PKP1: variants seen among roughly 807,000 people sequenced by gnomAD.
PKP1 encodes plakophilin-1.
PKP1 carries 27 observed loss-of-function variants against 76.4 expected under a neutral mutation model. The observed-to-expected ratio is 0.35, with a 90% confidence interval of 0.26 to 0.49. The LOEUF (loss-of-function observed/expected upper bound fraction) is 0.49. Among genes scored for constraint, PKP1 ranks in the 20% least tolerant of loss-of-function variants. The pLI, the probability that PKP1 is intolerant of heterozygous loss-of-function variation, is 0.99. For synonymous variants in PKP1, 404 were observed against 384.2 expected, an observed-to-expected ratio of 1.05 and a Z score of -0.60; for missense variants, 964 against 955.2, an observed-to-expected ratio of 1.01 and a Z score of -0.12.
intron 13 of PKP1, 139 bp downstream of exon 13, chr1:201,329,007 G>A: frequency 1.4e-6 from 1 of 694,900 alleles, no homozygotes; most frequent in Non-Finnish European, 2.6e-6. Flanking sequence ...ACAAGCAGTT[G>A]TGTAGACTGC....
intron 2 of PKP1, among the ~76,000 whole-genome samples, chr1:201,303,119 A>C (rs1047066573): frequency 2.0e-5 from 3 of 152,242 alleles, no homozygotes; most frequent in African/African-American, 7.2e-5. Context: ...TTGCAAAATC[A>C]TACCAACTAT....
chr1:201,307,829 G>A (rs1003385109), intron 2 of PKP1, among the ~76,000 whole-genome samples: 1 of 152,180 alleles, frequency 6.6e-6, no homozygotes, highest in South Asian at 2.1e-4. Context: ...TGAGAGGCAC[G>A]AGGACTCCAT....
chr1:201,284,005 G>A, intron 1 of PKP1, 101 bp downstream of exon 1: 1 of 1,087,254 alleles, frequency 9.2e-7, no homozygotes, highest in Non-Finnish European at 1.4e-6. Context: ...GATGAGGGGA[G>A]GCGAGGGGCT....
At chr1:201,308,330 C>G (rs1288425488) in intron 2 of PKP1, among the ~76,000 whole-genome samples, 1 of 152,182 alleles carries the variant, frequency 6.6e-6, no homozygotes, top group African/African-American at 2.4e-5. Flanking sequence ...GAATCTCCAC[C>G]CCTAGCACAA....
intron 1 of PKP1, among the ~76,000 whole-genome samples, chr1:201,293,343 C>T (rs916598122): frequency 6.6e-6 from 1 of 152,190 alleles, no homozygotes; most frequent in Non-Finnish European, 1.5e-5. Flanking sequence ...GGTCTCCAAG[C>T]ACTCCGAAAA....
intron 11 of PKP1, among the ~76,000 whole-genome samples, chr1:201,325,377 G>A (rs1240444749): frequency 5.3e-5 from 8 of 152,084 alleles, no homozygotes; most frequent in South Asian, 4.1e-4. Flanking sequence ...TGGGGGACTC[G>A]GGGGCACAAG....
chr1:201,318,188 G>A (rs1656822252), intron 5 of PKP1, among the ~76,000 whole-genome samples: 1 of 152,146 alleles, frequency 6.6e-6, no homozygotes, highest in Non-Finnish European at 1.5e-5. Flanking sequence ...GGGCACAAGA[G>A]GAAGAGGTCA....
rs1220344279 is a variant in PKP1 at position 201,330,493 on chromosome 1, C to T, written c.*452C>T. ...CTCTCCTGTGTTTCTTACTCATAGG[C>T]AAGGACAACATGTGCTTTTTGGTGA... On this transcript the variant is annotated 3_prime_UTR_variant, in exon 14 of 14. Coordinates refer to ENST00000367324, the MANE Select transcript of PKP1 (RefSeq NM_001005337.3). 6.6e-6 allele frequency: 1 copy of T among 152,176 alleles called. No homozygotes were observed. The highest frequency in any genetic ancestry group is 1.5e-5 in the Non-Finnish European group (1 of 68,048). The allele number at this position is 152,176 out of a possible 1,614,324, so 9.4% of individuals were successfully genotyped here.
chr1:201,293,220 G>C (rs1260924356), intron 1 of PKP1, among the ~76,000 whole-genome samples: 2 of 151,986 alleles, frequency 1.3e-5, no homozygotes, highest in African/African-American at 4.8e-5. Context: ...GGAGATGAGG[G>C]GGGTGGCCCC....
chr1:201,321,838 GAT>G (rs928755346), intron 7 of PKP1, 138 bp from the exon 8 acceptor site: 5 of 910,934 alleles, frequency 5.5e-6, no homozygotes, highest in Non-Finnish European at 6.9e-6. Context: ...TTCCCAGGCT[GAT>G]AGTGTGGTGG....
chr1:201,330,906 C>T lies in PKP1; in HGVS notation c.*865C>T, dbSNP rs1013714075. The T allele has an allele frequency of 1.3e-5, 2 of 152,356 alleles. No individual in the cohort carries two copies. Among genetic ancestry groups the T allele is most frequent in the Admixed American group, 6.5e-5 (1 of 15,308 alleles). The allele number at this position is 152,356 out of a possible 1,614,324, so 9.4% of individuals were successfully genotyped here. ...TCAGAGCAGGCTCAGCCTGCAAAGG[C>T]CCTGCATTCAGAGGTCTTGTAATCT... is the stretch of plus-strand genomic sequence containing the variant. On this transcript the variant is annotated 3_prime_UTR_variant, in exon 14 of 14. Coordinates refer to ENST00000367324, the MANE Select transcript of PKP1 (RefSeq NM_001005337.3).
At chr1:201,320,415 A>T (rs1656903799) in intron 7 of PKP1, 34 bp downstream of exon 7, 1 of 1,385,206 alleles carries the variant, frequency 7.2e-7, no homozygotes, top group Non-Finnish European at 1.0e-6. Context: ...CCTGACCCCT[A>T]GGCCCAGCCC....
At chr1:201,324,795 T>C in intron 10 of PKP1, 146 bp from the exon 11 acceptor site, 1 of 1,005,450 alleles carries the variant, frequency 9.9e-7, no homozygotes, top group Non-Finnish European at 1.5e-6. Context: ...CTCTGAGCCC[T>C]GAGTTGGAGC....
At chr1:201,326,453 G>A (rs1657129400) in intron 12 of PKP1, among the ~76,000 whole-genome samples, 1 of 152,210 alleles carries the variant, frequency 6.6e-6, no homozygotes, top group Non-Finnish European at 1.5e-5. Flanking sequence ...CTTGTTGTAT[G>A]ACATCTTCAC....
At chr1:201,292,505 A>G (rs529525415) in intron 1 of PKP1, among the ~76,000 whole-genome samples, 1 of 152,172 alleles carries the variant, frequency 6.6e-6, no homozygotes, top group African/African-American at 2.4e-5. Flanking sequence ...ATGGGTGGTG[A>G]CCTGGCGCTG....
chr1:201,322,978 C>T, intron 8 of PKP1, 35 bp from the exon 9 acceptor site: 1 of 1,607,224 alleles, frequency 6.2e-7, no homozygotes, highest in Non-Finnish European at 8.5e-7. Context: ...CACAAGGCTC[C>T]CCATTGACCC....
chr1:201,317,772 G>T lies in PKP1; in HGVS notation c.1047G>T (p.Gln349His). The T allele has an allele frequency of 3.1e-6, 5 of 1,613,420 alleles. No individual in the cohort carries two copies. Among genetic ancestry groups the T allele is most frequent in the South Asian group, 1.1e-5 (1 of 91,014 alleles). ...CCGGGAACGCCGAGATCCAGAAGCA[G>T]CTGACTGGTAGGACAACACGGCCAC... is the stretch of plus-strand genomic sequence containing the variant. Reference protein sequence around the residue: ...RRTGNAEIQKQLTGLLWNLSS... With the variant: ...RRTGNAEIQKHLTGLLWNLSS... The change falls in exon 5 of 14, where the codon CAG (glutamine) becomes CAT (histidine). Residue 349 changes from glutamine (Q) to histidine (H), a missense_variant. Physicochemically the swap from Gln to His is conservative, Grantham distance 24. Coordinates refer to ENST00000367324, the MANE Select transcript of PKP1 (RefSeq NM_001005337.3).
At chr1:201,308,322 A>G (rs1384177582) in intron 2 of PKP1, among the ~76,000 whole-genome samples, 2 of 152,142 alleles carry the variant, frequency 1.3e-5, no homozygotes, top group Non-Finnish European at 2.9e-5. Context: ...AGCATCCTGA[A>G]TCTCCACCCC....
intron 2 of PKP1, among the ~76,000 whole-genome samples, chr1:201,309,403 G>C (rs1028583382): frequency 6.6e-6 from 1 of 152,068 alleles, no homozygotes; most frequent in Admixed American, 6.5e-5. Context: ...AAGCCCCACT[G>C]GTCTCCCAAG....
Sources: gnomAD v4.1 joint callset for allele counts (sites outside exome capture counted in the v4.1 genomes callset) on GRCh38, gnomAD v4.1.1 for gene constraint, MANE v1.5 for transcripts, NCBI Gene and HGNC (gene_info 2026-07-23, HGNC 2026-07-21) for gene names.